Variants in PLEKHM3 observed in about 807,000 individuals in gnomAD.
PLEKHM3 encodes the protein pleckstrin homology domain-containing family M member 3.
A neutral mutation model predicts 81.8 loss-of-function variants in PLEKHM3; 45 were observed. The observed-to-expected ratio is 0.55, with a 90% CI of 0.43 to 0.71. The LOEUF (loss-of-function observed/expected upper bound fraction) is 0.71. PLEKHM3 is among the 30% of genes least tolerant of loss of function. The pLI, the probability that PLEKHM3 is intolerant of heterozygous loss-of-function variation, is 0.00. For synonymous variants in PLEKHM3, 352 were observed against 356.4 expected, an observed-to-expected ratio of 0.99 and a Z score of 0.14; for missense variants, 788 against 924.3, an observed-to-expected ratio of 0.85 and a Z score of 1.91.
rs6755792 is a variant in PLEKHM3 at position 207,844,476 on chromosome 2, T to A, written c.2109-15980A>T. 2.0e-5 allele frequency among the ~76,000 whole-genome samples: 3 copies of A among 149,482 alleles called. No homozygotes were observed. The East Asian group carries it at 5.9e-4, about 30-fold the overall frequency. On this transcript the variant is annotated intron_variant, in intron 7 of 7. Coordinates refer to ENST00000427836, the MANE Select transcript of PLEKHM3 (RefSeq NM_001080475.3). ...CACCACCACGCCCGGAGAATTTTTT[T>A]TTTTTTTTTTTAGTGGAGACGGGGT...
At chr2:207,841,821 A>G (rs1324768639) in intron 7 of PLEKHM3, among the ~76,000 whole-genome samples, 1 of 152,062 alleles carries the variant, frequency 6.6e-6, no homozygotes, top group East Asian at 1.9e-4. Context: ...ATTGTTTTAC[A>G]ATACATTTTT....
intron 7 of PLEKHM3, among the ~76,000 whole-genome samples, chr2:207,836,246 C>T (rs560373265): frequency 1.3e-5 from 2 of 150,336 alleles, no homozygotes; most frequent in Admixed American, 6.7e-5. Context: ...ATCACTTGAA[C>T]CCAGGAGGCA....
intron 1 of PLEKHM3, among the ~76,000 whole-genome samples, chr2:208,011,281 T>C (rs969071577): frequency 6.6e-6 from 1 of 152,052 alleles, no homozygotes; most frequent in African/African-American, 2.4e-5. Flanking sequence ...AAAAAGACAC[T>C]TGCACATGCA....
At chr2:207,968,975 C>T (rs977811005) in intron 3 of PLEKHM3, among the ~76,000 whole-genome samples, 7 of 152,188 alleles carry the variant, frequency 4.6e-5, no homozygotes, top group African/African-American at 1.7e-4. Context: ...TATTCCCTAA[C>T]TCTAATAAAT....
intron 6 of PLEKHM3, among the ~76,000 whole-genome samples, chr2:207,887,016 A>T: frequency 6.6e-6 from 1 of 152,230 alleles, no homozygotes; most frequent in East Asian, 1.9e-4. Context: ...GTGAAGATCA[A>T]ACGAGTACAG....
intron 3 of PLEKHM3, 47 bp from the exon 4 acceptor site, chr2:207,946,559 A>G (rs1690138387): frequency 1.4e-5 from 22 of 1,595,374 alleles, no homozygotes; most frequent in Non-Finnish European, 1.7e-5. Context: ...TGTACTTTTA[A>G]CACTACAGAA....
chr2:207,870,770 A>T (rs1176386820), intron 6 of PLEKHM3, among the ~76,000 whole-genome samples: 3 of 152,222 alleles, frequency 2.0e-5, no homozygotes, highest in Non-Finnish European at 4.4e-5. Flanking sequence ...TGAATCCTCA[A>T]TTTTAAATTT....
intron 6 of PLEKHM3, among the ~76,000 whole-genome samples, chr2:207,864,836 T>A (rs2092487054): frequency 6.6e-6 from 1 of 152,250 alleles, no homozygotes; most frequent in Admixed American, 6.5e-5. Context: ...ATGTGATACA[T>A]ATCTCCATTT....
chr2:207,899,529 A>C (rs1468941581), intron 6 of PLEKHM3, among the ~76,000 whole-genome samples: 1 of 152,184 alleles, frequency 6.6e-6, no homozygotes, highest in Non-Finnish European at 1.5e-5. Flanking sequence ...GAATAAATGA[A>C]TAGGGAGAAA....
chr2:207,989,320 G>T (rs1691822827), intron 2 of PLEKHM3, among the ~76,000 whole-genome samples: 1 of 152,222 alleles, frequency 6.6e-6, no homozygotes, highest in African/African-American at 2.4e-5. Flanking sequence ...CGCAAGAGAA[G>T]AAAGAGAGGG....
intron 1 of PLEKHM3, among the ~76,000 whole-genome samples, chr2:208,015,034 A>G (rs1343391517): frequency 6.6e-6 from 1 of 152,246 alleles, no homozygotes; most frequent in Non-Finnish European, 1.5e-5. Context: ...CTAATCTAAG[A>G]CCAAGATTAA....
At chr2:207,952,488 C>T (rs2105980298) in intron 3 of PLEKHM3, among the ~76,000 whole-genome samples, 1 of 152,336 alleles carries the variant, frequency 6.6e-6, no homozygotes, top group South Asian at 2.1e-4. Flanking sequence ...TCATAAATAA[C>T]TTAGCTTTCC....
chr2:207,991,200 G>A (rs1691890685), intron 2 of PLEKHM3, among the ~76,000 whole-genome samples: 1 of 152,206 alleles, frequency 6.6e-6, no homozygotes, highest in African/African-American at 2.4e-5. Context: ...CTTTGCCATG[G>A]TGAGCTTTTG....
intron 3 of PLEKHM3, among the ~76,000 whole-genome samples, chr2:207,960,645 T>C (rs913400594): frequency 2.0e-5 from 3 of 152,112 alleles, no homozygotes; most frequent in African/African-American, 7.2e-5. Context: ...CATCTAATAA[T>C]GGGAGTGGAG....
intron 3 of PLEKHM3, among the ~76,000 whole-genome samples, chr2:207,969,896 G>A (rs1691052508): frequency 6.6e-6 from 1 of 152,122 alleles, no homozygotes; most frequent in South Asian, 2.1e-4. Flanking sequence ...CTAAAGTTGA[G>A]CAAGGAATTT....
At chr2:207,966,747 G>A (rs2106008871) in intron 3 of PLEKHM3, among the ~76,000 whole-genome samples, 1 of 152,072 alleles carries the variant, frequency 6.6e-6, no homozygotes, top group South Asian at 2.1e-4. Context: ...TAGAGATGGG[G>A]TTTCACCATG....
intron 6 of PLEKHM3, among the ~76,000 whole-genome samples, chr2:207,881,032 G>C (rs906784325): frequency 6.6e-6 from 1 of 151,408 alleles, no homozygotes; most frequent in Non-Finnish European, 1.5e-5. Flanking sequence ...GAAACACTCT[G>C]AATATAGTAG....
At chr2:207,833,541 C>A (rs1028918390) in intron 7 of PLEKHM3, among the ~76,000 whole-genome samples, 1 of 151,998 alleles carries the variant, frequency 6.6e-6, no homozygotes, top group Non-Finnish European at 1.5e-5. Flanking sequence ...TTTCTCATAC[C>A]TAGGGATCTC....
At chr2:208,000,214 C>T (rs1692250762) in intron 2 of PLEKHM3, among the ~76,000 whole-genome samples, 2 of 152,226 alleles carry the variant, frequency 1.3e-5, no homozygotes, top group African/African-American at 4.8e-5. Flanking sequence ...CTTGTTACTG[C>T]TGGCTATGGG....
Sources: gnomAD v4.1 joint callset for allele counts (sites outside exome capture counted in the v4.1 genomes callset) on GRCh38, gnomAD v4.1.1 for gene constraint, MANE v1.5 for transcripts, NCBI Gene and HGNC (gene_info 2026-07-23, HGNC 2026-07-21) for gene names.